ZBTB7C: variants seen among roughly 807,000 people sequenced by gnomAD.
ZBTB7C encodes zinc finger and BTB domain-containing protein 7C.
In ZBTB7C, 8 loss-of-function variants were observed where a neutral mutation model predicts 25.7. That is an observed-to-expected ratio of 0.31 (90% confidence interval 0.18 to 0.56). ZBTB7C has a LOEUF of 0.56. Among genes scored for constraint, ZBTB7C ranks in the 20% least tolerant of loss-of-function variants. ZBTB7C has a pLI of 0.91. For missense variants in ZBTB7C, 824 were observed against 855.2 expected, an observed-to-expected ratio of 0.96 and a Z score of 0.46; for synonymous variants, 394 against 369.0, an observed-to-expected ratio of 1.07 and a Z score of -0.78.
Position 48,185,172 on chromosome 18 carries a change from T to A in ZBTB7C, c.-17+762A>T, listed in dbSNP as rs74740346. ...ACCCATGCCTACACCATCCTCCACA[T>A]AGGCATCCACCCCTGTTCCTTCCTT... On this transcript the variant is annotated intron_variant, in intron 3 of 4. Transcript: ENST00000590800. Among the ~76,000 whole-genome samples the A allele has an allele frequency of 4.5e-3, 681 of 152,118 alleles. 4 individuals are homozygous for A. Among genetic ancestry groups the A allele is most frequent in the Non-Finnish European group, 8.0e-3 (541 of 67,962 alleles).
chr18:48,132,304 A>G (rs746549673), intron 3 of ZBTB7C, among the ~76,000 whole-genome samples: 1 of 152,214 alleles, frequency 6.6e-6, no homozygotes, highest in Non-Finnish European at 1.5e-5. Context: ...AGGTTAGTTG[A>G]AAGACACTAG....
chr18:48,068,017 T>G (rs926112750), intron 3 of ZBTB7C, among the ~76,000 whole-genome samples: 1 of 151,948 alleles, frequency 6.6e-6, no homozygotes, highest in Non-Finnish European at 1.5e-5. Context: ...AATCAATCAA[T>G]CTCTCCCTCT....
intron 3 of ZBTB7C, chr18:48,136,984 G>C (rs1392148863): frequency 2.0e-6 from 2 of 985,078 alleles, no homozygotes; most frequent in African/African-American, 3.5e-5. Flanking sequence ...CCCAGAGGCG[G>C]GCCGAGGCCG....
intron 3 of ZBTB7C, among the ~76,000 whole-genome samples, chr18:48,118,390 G>A (rs1435498905): frequency 6.6e-6 from 1 of 151,978 alleles, no homozygotes; most frequent in Non-Finnish European, 1.5e-5. Flanking sequence ...TTCCCCTTTT[G>A]TGCCACTGAG....
At chr18:48,124,321 T>G (rs940758385) in intron 3 of ZBTB7C, among the ~76,000 whole-genome samples, 3 of 152,378 alleles carry the variant, frequency 2.0e-5, no homozygotes, top group African/African-American at 7.2e-5. Context: ...GAGTAGCAGG[T>G]ACCTTTCCTG....
At chr18:48,191,596 G>T (rs976406947) in intron 2 of ZBTB7C, among the ~76,000 whole-genome samples, 1 of 152,202 alleles carries the variant, frequency 6.6e-6, no homozygotes, top group East Asian at 1.9e-4. Flanking sequence ...CTCACATGGG[G>T]CAGGCACATA....
chr18:48,060,260 G>A (rs956636279), intron 3 of ZBTB7C, among the ~76,000 whole-genome samples: 2 of 152,162 alleles, frequency 1.3e-5, no homozygotes, highest in African/African-American at 4.8e-5. Flanking sequence ...AGGAGGGAAG[G>A]AATAAACAAA....
At chr18:48,099,884 C>T (rs2038770710) in intron 3 of ZBTB7C, among the ~76,000 whole-genome samples, 1 of 152,206 alleles carries the variant, frequency 6.6e-6, no homozygotes, top group African/African-American at 2.4e-5. Context: ...GCTCAAAGTG[C>T]CTCCCCCAGA....
intron 1 of ZBTB7C, among the ~76,000 whole-genome samples, chr18:48,338,916 G>A (rs538455493): frequency 2.0e-5 from 3 of 151,914 alleles, no homozygotes; most frequent in Admixed American, 2.0e-4. Context: ...TTTGTTGGGG[G>A]GGGGGGGTCC....
At chr18:48,246,541 CTT>C (rs1461742798) in intron 2 of ZBTB7C, among the ~76,000 whole-genome samples, 1 of 151,814 alleles carries the variant, frequency 6.6e-6, no homozygotes, top group Admixed American at 6.6e-5. Flanking sequence ...AAAAAACACA[CTT>C]TTTTTCTAAG....
At chr18:48,045,069 A>G (rs778183069) in intron 3 of ZBTB7C, among the ~76,000 whole-genome samples, 2 of 152,222 alleles carry the variant, frequency 1.3e-5, no homozygotes, top group Non-Finnish European at 2.9e-5. Context: ...GCTAACACGT[A>G]ATGAGTGGCC....
chr18:48,217,197 A>G (rs1226789428), intron 2 of ZBTB7C, among the ~76,000 whole-genome samples: 1 of 152,124 alleles, frequency 6.6e-6, no homozygotes, highest in Non-Finnish European at 1.5e-5. Flanking sequence ...GACCTCACCC[A>G]CTCAACTCAG....
chr18:48,071,129 A>C (rs775484191), intron 3 of ZBTB7C, among the ~76,000 whole-genome samples: 6 of 152,232 alleles, frequency 3.9e-5, no homozygotes, highest in Non-Finnish European at 5.9e-5. Context: ...GGATTTCCAG[A>C]GACTTCAGAT....
rs912078607 is a variant in ZBTB7C, at chr18:48,310,544, TTGTG to T, written c.-79+27626_-79+27629del. ...GCCAGTGAGAGAAAGACTTTTTTCT[TTGTG>T]TGTGTGTCTGTGTGTGTGTGTGTCC... On this transcript the variant is annotated intron_variant, in intron 2 of 4. Transcript: ENST00000590800. Among the ~76,000 whole-genome samples, 3 of 152,074 alleles carry T rather than the reference TTGTG, an allele frequency of 2.0e-5. No individual in the cohort carries two copies. In the South Asian group the frequency reaches 6.2e-4, roughly 32 times the overall value.
At chr18:48,130,065 G>A (rs925494030) in intron 3 of ZBTB7C, among the ~76,000 whole-genome samples, 1 of 152,204 alleles carries the variant, frequency 6.6e-6, no homozygotes, top group African/African-American at 2.4e-5. Flanking sequence ...AGCAGAGCTT[G>A]CAGACAGGGT....
chr18:48,090,673 A>T (rs7231476), intron 3 of ZBTB7C, among the ~76,000 whole-genome samples: 2,315 of 151,250 alleles, frequency 0.015, 55 homozygotes, highest in African/African-American at 0.054. Context: ...TCCCTACCAA[A>T]GCCTTCACTT....
At chr18:48,329,017 G>T (rs957510370) in intron 2 of ZBTB7C, among the ~76,000 whole-genome samples, 5 of 152,124 alleles carry the variant, frequency 3.3e-5, no homozygotes, top group African/African-American at 7.2e-5. Flanking sequence ...TGGATGGCTG[G>T]TCTCAGTCCC....
intron 2 of ZBTB7C, among the ~76,000 whole-genome samples, chr18:48,235,770 G>A (rs1292491574): frequency 2.0e-5 from 3 of 152,108 alleles, no homozygotes; most frequent in African/African-American, 7.2e-5. Flanking sequence ...TCTTCTAGCT[G>A]CCAAAGTTGC....
intron 2 of ZBTB7C, among the ~76,000 whole-genome samples, chr18:48,299,538 C>T (rs537434051): frequency 1.3e-5 from 2 of 152,322 alleles, no homozygotes; most frequent in South Asian, 2.1e-4. Flanking sequence ...ATAACTCAAC[C>T]TGGTTCTTGC....
Sources: gnomAD v4.1 joint callset for allele counts (sites outside exome capture counted in the v4.1 genomes callset) on GRCh38, gnomAD v4.1.1 for gene constraint, MANE v1.5 for transcripts, NCBI Gene and HGNC (gene_info 2026-07-23, HGNC 2026-07-21) for gene names.